PARP14: variants seen among roughly 807,000 people sequenced by gnomAD.
PARP14 encodes protein mono-ADP-ribosyltransferase PARP14.
Under a neutral mutation model 154.2 loss-of-function variants are expected in PARP14, and 59 were observed. The observed-to-expected ratio is 0.38, with a 90% CI of 0.31 to 0.48. PARP14 has a LOEUF of 0.48. Ranked by LOEUF, PARP14 falls within the 20% of genes least tolerant of loss-of-function variation. The pLI, the probability that PARP14 is intolerant of heterozygous loss-of-function variation, is 0.98. For synonymous variants in PARP14, 720 were observed against 780.5 expected (o/e 0.92, Z 1.29); for missense variants, 1,734 against 2,131.6 (o/e 0.81, Z 3.67).
intron 1 of PARP14, among the ~76,000 whole-genome samples, chr3:122,682,374 T>C (rs953081159): frequency 1.3e-5 from 2 of 152,202 alleles, no homozygotes; most frequent in South Asian, 2.1e-4. Context: ...GGAGAGCAGG[T>C]TAACCAGGCA....
Position 122,699,468 on chromosome 3 carries a change from G to T in PARP14, c.914G>T (p.Gly305Val). 6.2e-7 allele frequency: 1 copy of T among 1,613,604 alleles called. No homozygotes were observed. The highest frequency in any genetic ancestry group is 8.5e-7 in the Non-Finnish European group (1 of 1,179,578). The stretch of plus-strand genomic sequence containing the variant: ...GTGTTCCCATACTATGCCTCATTGG[G>T]CACAGCCTTGTATGGAAAGGAGAAG... ...LSVFPYYASL[G>V]TALYGKEKPL... is the part of the protein sequence containing the mutation. The change falls in exon 6 of 17, where the codon GGC (glycine) becomes GTC (valine). Residue 305 changes from glycine to valine, a missense_variant. Coordinates refer to ENST00000474629, the MANE Select transcript of PARP14 (RefSeq NM_017554.3).
intron 15 of PARP14, 104 bp downstream of exon 15, chr3:122,720,492 C>A (rs1245688821): frequency 2.8e-6 from 3 of 1,083,078 alleles, no homozygotes; most frequent in Non-Finnish European, 4.1e-6. Context: ...TTTTTTTAAA[C>A]CCAGAATTAG....
Position 122,700,522 on chromosome 3 carries a change from A to G in PARP14, c.1968A>G (p.Glu656=). The change falls in exon 6 of 17, where the codon GAA becomes GAG. Residue 656 remains glutamate, a synonymous_variant. Coordinates refer to ENST00000474629, the MANE Select transcript of PARP14 (RefSeq NM_017554.3). ...CAGGCTGTGTAAAAGAAGTAAATGA[A>G]ACCTATAAATTGCTTTTTAACTTCG... ...IITGCVKEVN[E]TYKLLFNFVE... 3.1e-6 allele frequency: 5 copies of G among 1,604,088 alleles called. No individual in the cohort carries two copies. The highest frequency in any genetic ancestry group is 4.3e-6 in the Non-Finnish European group (5 of 1,174,530).
intron 3 of PARP14, among the ~76,000 whole-genome samples, chr3:122,687,595 G>A (rs1938413316): frequency 6.6e-6 from 1 of 152,168 alleles, no homozygotes; most frequent in Non-Finnish European, 1.5e-5. Context: ...GGATTGGATT[G>A]GAGGATTGCA....
At chr3:122,694,479 T>C (rs1938700695) in intron 4 of PARP14, among the ~76,000 whole-genome samples, 1 of 152,220 alleles carries the variant, frequency 6.6e-6, no homozygotes, top group African/African-American at 2.4e-5. Flanking sequence ...TATTTATTTC[T>C]GTATCCTCAG....
At chr3:122,684,246 C>T (rs187903971) in intron 1 of PARP14, among the ~76,000 whole-genome samples, 2 of 152,338 alleles carry the variant, frequency 1.3e-5, no homozygotes, top group East Asian at 3.9e-4. Flanking sequence ...CTGTAGGGCA[C>T]TCTCAAAAAC....
In PARP14 at chr3:122,718,458, T is replaced by C. The variant is rs1335737153; in HGVS notation, c.4307T>C (p.Val1436Ala). 1.2e-6 allele frequency: 2 copies of C among 1,613,858 alleles called. No homozygotes were observed. Among genetic ancestry groups the C allele is most frequent in the African/African-American group, 1.3e-5 (1 of 74,926 alleles). Residue 1436 changes from valine to alanine, a missense_variant, in exon 14 of 17, where the codon GTC (valine) becomes GCC (alanine). This residue lies in a region of PARP14 where 1,646 missense variants were observed against 1,976.0 expected (regional missense o/e 0.83). Coordinates refer to ENST00000474629, the MANE Select transcript of PARP14 (RefSeq NM_017554.3). The stretch of plus-strand genomic sequence containing the variant: ...ACTTTTCGGGTGTGTGGTGAAAATG[T>C]CACGTGTGTGGAATATGCTATCTCC... ...SATFRVCGENVTCVEYAISWL... is the reference protein window; with the variant it reads ...SATFRVCGENATCVEYAISWL...
chr3:122,684,590 G>A (rs1938310941), intron 1 of PARP14, among the ~76,000 whole-genome samples: 1 of 152,046 alleles, frequency 6.6e-6, no homozygotes, highest in Non-Finnish European at 1.5e-5. Context: ...TGCCTGATAT[G>A]CTAATCTATT....
intron 2 of PARP14, 90 bp from the exon 3 acceptor site, chr3:122,686,990 C>A: frequency 1.2e-6 from 1 of 835,046 alleles, no homozygotes; most frequent in Non-Finnish European, 2.0e-6. Context: ...TTCTATTTAC[C>A]CTCCATCTCC....
In PARP14 at chr3:122,700,245, T is replaced by C. The variant is rs768898919; in HGVS notation, c.1691T>C (p.Ile564Thr). Reference protein sequence around the residue: ...FSKCLFIAQKILALYELEGTT... With the variant: ...FSKCLFIAQKTLALYELEGTT... The stretch of plus-strand genomic sequence containing the variant: ...AAGTGTCTTTTCATAGCACAGAAGA[T>C]TCTTGCACTTTATGAGCTAGAGGGT... Residue 564 changes from isoleucine to threonine, a missense_variant, in exon 6 of 17, where the codon ATT (isoleucine) becomes ACT (threonine). Around this residue, in one of 2 missense-constraint regions of PARP14, gnomAD observed 1,646 missense variants for 1,976.0 expected, o/e 0.83. Transcript: ENST00000474629. The C allele has an allele frequency of 4.3e-6, 7 of 1,612,486 alleles. No homozygotes were observed. Among genetic ancestry groups the C allele is most frequent in the Non-Finnish European group, 5.9e-6 (7 of 1,179,128 alleles).
At chr3:122,682,045 A>T (rs992581189) in intron 1 of PARP14, among the ~76,000 whole-genome samples, 2 of 152,208 alleles carry the variant, frequency 1.3e-5, no homozygotes, top group Non-Finnish European at 2.9e-5. Flanking sequence ...CCAAGCAGGG[A>T]TCCAAAAAGG....
At chr3:122,711,962 G>A (rs1317660430) in intron 9 of PARP14, among the ~76,000 whole-genome samples, 2 of 151,932 alleles carry the variant, frequency 1.3e-5, no homozygotes, top group Non-Finnish European at 2.9e-5. Context: ...AGCTTATTTG[G>A]ATCTTCTCTC....
Position 122,700,635 on chromosome 3 carries a change from G to T in PARP14, c.2081G>T (p.Trp694Leu), listed in dbSNP as rs753909884. The T allele has an allele frequency of 7.5e-6, 12 of 1,604,928 alleles. No homozygotes were observed. Among genetic ancestry groups the T allele is most frequent in the South Asian group, 1.1e-5 (1 of 89,352 alleles). ...TTAAAGACAGAAAAGAAGCTATTCT[G>T]GCCAAAGATAAAGAAGGTAAATGTG... ...DYLKTEKKLF[W>L]PKIKKVNVQV... Residue 694 changes from tryptophan to leucine, a missense_variant, in exon 6 of 17, where the codon TGG (tryptophan) becomes TTG (leucine). Around this residue, in one of 2 missense-constraint regions of PARP14, gnomAD observed 1,646 missense variants for 1,976.0 expected, o/e 0.83. Coordinates refer to ENST00000474629, the MANE Select transcript of PARP14 (RefSeq NM_017554.3).
chr3:122,689,036 A>G (rs535982164), intron 3 of PARP14, among the ~76,000 whole-genome samples: 1 of 152,322 alleles, frequency 6.6e-6, no homozygotes, highest in South Asian at 2.1e-4. Flanking sequence ...GACAAGGGCA[A>G]GAGCAGAGAA....
rs541346497 is a variant in PARP14 at position 122,681,147 on chromosome 3, G to C, written c.187+77G>C. 8 of 1,168,272 alleles carry C rather than the reference G, an allele frequency of 6.8e-6. No individual in the cohort carries two copies. The East Asian group carries it at 1.0e-4, about 15-fold the overall frequency. 72.4% of individuals were successfully genotyped at this position (1,168,272 alleles called of 1,614,324 possible). A position where few individuals can be genotyped will look rare whatever the true frequency, so the allele number is the denominator to read the frequency against. ...AGGGAAATGGCGGCAGGGCACGCACGGGAGGGTGACCCGCCCGACTTCGGC... is the reference window on the plus strand; with the variant it reads ...AGGGAAATGGCGGCAGGGCACGCACCGGAGGGTGACCCGCCCGACTTCGGC... On this transcript the variant is annotated intron_variant, in intron 1 of 16. Coordinates refer to ENST00000474629, the MANE Select transcript of PARP14 (RefSeq NM_017554.3). The surrounding 1 kb of genome is among the most constrained non-coding windows in gnomAD (Gnocchi z 5.5).
intron 15 of PARP14, chr3:122,722,325 C>T (rs1218740662): frequency 1.3e-5 from 2 of 152,084 alleles, no homozygotes; most frequent in African/African-American, 4.8e-5. Context: ...CTATGATGGT[C>T]TATTTCTGAG....
chr3:122,688,600 C>T (rs1465003484), intron 3 of PARP14, among the ~76,000 whole-genome samples: 2 of 152,188 alleles, frequency 1.3e-5, no homozygotes, highest in African/African-American at 2.4e-5. Flanking sequence ...AATGGTTACC[C>T]CACACTGATC....
rs775522073 is a variant in PARP14, at chr3:122,713,481, C to T, written c.3677C>T (p.Ser1226Phe). 1 of 1,612,392 alleles carries T rather than the reference C, an allele frequency of 6.2e-7. No individual in the cohort carries two copies. Among genetic ancestry groups the T allele is most frequent in the African/African-American group, 1.3e-5 (1 of 74,968 alleles). Reference protein sequence around the residue: ...DSGVYEMKIGSIIFQVASGDI... With the variant: ...DSGVYEMKIGFIIFQVASGDI... ...GGTGTGTATGAAATGAAGATTGGCT[C>T]CATCATCTTCCAGGTGGCTTCTGGA... Residue 1226 changes from serine to phenylalanine, a missense_variant, in exon 10 of 17, where the codon TCC (serine) becomes TTC (phenylalanine). By Grantham distance (155) the Ser-to-Phe change is radical (BLOSUM62 -2). Transcript: ENST00000474629.
In PARP14 at chr3:122,730,702, T is replaced by TAAC. The variant is rs1933405600; in HGVS notation, c.*2106_*2108dup. The TAAC allele has an allele frequency of 6.6e-6, 1 of 152,624 alleles. No individual in the cohort carries two copies. Among genetic ancestry groups the TAAC allele is most frequent in the East Asian group, 1.9e-4 (1 of 5,196 alleles). The allele number at this position is 152,624 out of a possible 1,614,324, so 9.5% of individuals were successfully genotyped here. On this transcript the variant is annotated 3_prime_UTR_variant, in exon 17 of 17. Coordinates refer to ENST00000474629, the MANE Select transcript of PARP14 (RefSeq NM_017554.3). ...CGCTTTTGTTCTCCAGTGATTTGAT[T>TAAC]AACTCAGGGCAAGGCTGAATATCAG...
Sources: allele counts gnomAD v4.1 joint callset (sites outside exome capture counted in the v4.1 genomes callset), GRCh38; gene constraint gnomAD v4.1.1; regional missense constraint gnomAD v4.1.1; non-coding constraint Gnocchi (gnomAD v3.1); transcripts MANE v1.5; gene names NCBI Gene and HGNC (gene_info 2026-07-23, HGNC 2026-07-21).